The following TUT7 variants were observed in gnomAD, a reference collection of about 807,000 sequenced individuals.
TUT7 encodes terminal uridylyl transferase 7.
In TUT7, 33 loss-of-function variants were observed where a neutral mutation model predicts 165.9. That is an observed-to-expected ratio of 0.20 (90% CI 0.15 to 0.27). The LOEUF is 0.27. Ranked by LOEUF, TUT7 falls within the 10% of genes least tolerant of loss-of-function variation. The pLI is 1.00. For missense variants in TUT7, 1,338 were observed against 1,762.3 expected (o/e 0.76, Z 4.31); for synonymous variants, 552 against 608.1 (o/e 0.91, Z 1.36).
intron 26 of TUT7, among the ~76,000 whole-genome samples, chr9:86,294,929 A>G (rs183845041): frequency 3.3e-5 from 5 of 152,060 alleles, no homozygotes; most frequent in Admixed American, 3.3e-4. Context: ...TATATATTCT[A>G]ATAATTGTGA....
In TUT7 at chr9:86,323,950, A is replaced by G; in HGVS notation, c.1800T>C (p.Ser600=). The G allele has an allele frequency of 6.4e-7, 1 of 1,562,102 alleles. No individual in the cohort carries two copies. The highest frequency in any genetic ancestry group is 8.7e-7 in the Non-Finnish European group (1 of 1,152,664). Residue 600 remains serine, a synonymous_variant, in exon 13 of 27, where the codon TCT becomes TCC. Transcript: ENST00000375963. ...GGGTTCTTGCCACATTTCTTTTAAC[A>G]GAGTAGGGATCTGTAATAAAAAAAA... ...KKRIAIEDPY[S]VKRNVARTLN...
At position 86,346,488 on chromosome 9, in the gene TUT7, TG is replaced by T; in HGVS notation, c.521-9del. Reference sequence around the variant, plus strand: ...ACCTCTGCTTCTTGTTTTCTTAAGGTGGGGGAAAAATATTATTGGCAATATT... The same window carrying T: ...ACCTCTGCTTCTTGTTTTCTTAAGGTGGGGAAAAATATTATTGGCAATATT... On this transcript the variant is annotated splice_polypyrimidine_tract_variant and intron_variant, in intron 2 of 26. Transcript: ENST00000375963. 2 of 1,609,664 alleles carry T rather than the reference TG, an allele frequency of 1.2e-6. No individual in the cohort carries two copies. Among genetic ancestry groups the T allele is most frequent in the Non-Finnish European group, 1.7e-6 (2 of 1,178,444 alleles).
intron 20 of TUT7, 38 bp from the exon 21 acceptor site, chr9:86,309,327 A>C: frequency 6.9e-7 from 1 of 1,441,374 alleles, no homozygotes; most frequent in Non-Finnish European, 9.6e-7. Context: ...TGGATTACAA[A>C]CTTAATGCAT....
At chr9:86,298,979 G>A (rs1362525974) in intron 26 of TUT7, 3 of 209,574 alleles carry the variant, frequency 1.4e-5, no homozygotes, top group Non-Finnish European at 2.5e-5. Flanking sequence ...CCATGGGCAG[G>A]AGTTCTGAAA....
At chr9:86,298,796 T>C in intron 26 of TUT7, 10 of 985,286 alleles carry the variant, frequency 1.0e-5, no homozygotes, top group Non-Finnish European at 1.1e-5. Context: ...TATTGTTGTT[T>C]TTTGTTTCTT....
chr9:86,292,854 TTC>T (rs1826002065), intron 26 of TUT7, among the ~76,000 whole-genome samples: 1 of 152,326 alleles, frequency 6.6e-6, no homozygotes, highest in Admixed American at 6.5e-5. Flanking sequence ...ACTTGCCCGT[TTC>T]TGTTTTTCCC....
chr9:86,344,824 G>A, intron 5 of TUT7, 153 bp downstream of exon 5: 1 of 680,744 alleles, frequency 1.5e-6, no homozygotes, highest in East Asian at 2.9e-5. Context: ...TTACCTTAGG[G>A]AAAGCCAGGG....
chr9:86,338,519 TAAC>T (rs1270931949), intron 9 of TUT7, among the ~76,000 whole-genome samples: 1 of 152,338 alleles, frequency 6.6e-6, no homozygotes, highest in Admixed American at 6.5e-5. Context: ...TTCCTGTGCC[TAAC>T]AACCACTGTG....
chr9:86,307,274 GAAAA>G (rs1003710372), intron 22 of TUT7, among the ~76,000 whole-genome samples: 1 of 135,052 alleles, frequency 7.4e-6, no homozygotes, highest in Admixed American at 7.4e-5. Flanking sequence ...ACTGTCTCAA[GAAAA>G]AAAAAAAAGG....
intron 26 of TUT7, among the ~76,000 whole-genome samples, chr9:86,291,925 G>C (rs1825932234): frequency 6.6e-6 from 1 of 152,124 alleles, no homozygotes; most frequent in Non-Finnish European, 1.5e-5. Context: ...AATAACAGCA[G>C]AATATTGAAT....
At chr9:86,306,906 C>A (rs1394280445) in intron 22 of TUT7, among the ~76,000 whole-genome samples, 2 of 152,162 alleles carry the variant, frequency 1.3e-5, no homozygotes, top group Admixed American at 6.5e-5. Context: ...TAGCCTATTA[C>A]TAACTGCTTG....
chr9:86,335,181 C>T (rs1830658363), intron 10 of TUT7, among the ~76,000 whole-genome samples: 1 of 152,108 alleles, frequency 6.6e-6, no homozygotes, highest in Non-Finnish European at 1.5e-5. Context: ...GACATTGAGG[C>T]TCAGAGATTA....
chr9:86,305,513 A>G (rs567735748), intron 22 of TUT7, among the ~76,000 whole-genome samples: 1 of 152,324 alleles, frequency 6.6e-6, no homozygotes, highest in South Asian at 2.1e-4. Context: ...AGAGTGTACT[A>G]CTTTATATTT....
rs1825656006 is a variant in TUT7, at chr9:86,287,943, G to T, written c.*734C>A. ...TTAAAAGTTCTTCATCCTAATTTCT[G>T]AGTATCATAAAAAGTAAAAAGTACT... On this transcript the variant is annotated 3_prime_UTR_variant, in exon 27 of 27. Transcript: ENST00000375963. 6.6e-6 allele frequency: 1 copy of T among 152,128 alleles called. No individual in the cohort carries two copies. The highest frequency in any genetic ancestry group is 2.4e-5 in the African/African-American group (1 of 41,420). 9.4% of individuals were successfully genotyped at this position (152,128 alleles called of 1,614,324 possible).
At chr9:86,349,198 G>T (rs1832052552) in intron 2 of TUT7, among the ~76,000 whole-genome samples, 1 of 151,668 alleles carries the variant, frequency 6.6e-6, no homozygotes, top group African/African-American at 2.4e-5. Flanking sequence ...AGAATTGCTT[G>T]AACTCGGGAG....
intron 17 of TUT7, among the ~76,000 whole-genome samples, chr9:86,316,291 T>C (rs532118876): frequency 1.3e-5 from 2 of 152,322 alleles, no homozygotes; most frequent in South Asian, 4.1e-4. Flanking sequence ...TCCAGTCCAG[T>C]TGCCTCAATT....
At chr9:86,330,888 T>A (rs1830253957) in intron 10 of TUT7, among the ~76,000 whole-genome samples, 1 of 151,792 alleles carries the variant, frequency 6.6e-6, no homozygotes, top group Non-Finnish European at 1.5e-5. Context: ...TTCTTTTTTT[T>A]TTTTGAGATG....
chr9:86,295,885 A>T (rs1208196938), intron 26 of TUT7, among the ~76,000 whole-genome samples: 1 of 151,822 alleles, frequency 6.6e-6, no homozygotes, highest in Non-Finnish European at 1.5e-5. Flanking sequence ...AATTTTCTTT[A>T]CCAAAAAAAG....
chr9:86,337,870 C>T lies in TUT7; in HGVS notation c.1336-332G>A, dbSNP rs74648550. Among the ~76,000 whole-genome samples, 1,207 of 152,200 alleles carry T rather than the reference C, an allele frequency of 7.9e-3. 21 individuals carry two copies. Among genetic ancestry groups the T allele is most frequent in the African/African-American group, 0.028 (1,160 of 41,508 alleles). ...AGAATACATGTTAATGAATTAAAAA[C>T]GATTGTTCAGTTACACATTAAGCCA... On this transcript the variant is annotated intron_variant, in intron 9 of 26. Coordinates refer to ENST00000375963, the MANE Select transcript of TUT7 (RefSeq NM_024617.4).
Sources: gnomAD v4.1 joint callset for allele counts (sites outside exome capture counted in the v4.1 genomes callset) on GRCh38, gnomAD v4.1.1 for gene constraint, MANE v1.5 for transcripts, NCBI Gene and HGNC (gene_info 2026-07-23, HGNC 2026-07-21) for gene names.